The following GLRA2 variants were observed in gnomAD, a reference collection of about 807,000 sequenced individuals.
The protein encoded by GLRA2 is glycine receptor alpha 2.
GLRA2 carries 11 observed loss-of-function variants against 31.6 expected under a neutral mutation model. The ratio of observed to expected loss-of-function variants is 0.35; its 90% confidence interval spans 0.22 to 0.58. The LOEUF is 0.58. Ranked by LOEUF, GLRA2 falls within the 20% of genes least tolerant of loss-of-function variation. The pLI is 0.84. For missense variants in GLRA2, 212 were observed against 351.8 expected, an observed-to-expected ratio of 0.60 and a Z score of 3.18; for synonymous variants, 132 against 134.0, an observed-to-expected ratio of 0.99 and a Z score of 0.10.
intron 8 of GLRA2, among the ~76,000 whole-genome samples, chrX:14,715,325 T>C (rs2091770223): frequency 1.8e-5 from 2 of 112,388 alleles, no homozygotes; most frequent in Non-Finnish European, 3.8e-5. Context: ...ATAAGCCATA[T>C]GGTAAATAAG....
chrX:14,678,364 C>A (rs933297162), intron 7 of GLRA2, among the ~76,000 whole-genome samples: 6 of 111,797 alleles, frequency 5.4e-5, no homozygotes, highest in African/African-American at 2.0e-4. Context: ...AGACTAGGTG[C>A]CATGGGGAAG....
chrX:14,697,255 CTA>C (rs976572517), intron 8 of GLRA2, among the ~76,000 whole-genome samples: 1 of 111,843 alleles, frequency 8.9e-6, no homozygotes, highest in Non-Finnish European at 1.9e-5. Context: ...TGATTTAGGC[CTA>C]TTTTTCCAAT....
At chrX:14,639,615 C>G (rs895513679) in intron 7 of GLRA2, among the ~76,000 whole-genome samples, 1 of 111,695 alleles carries the variant, frequency 9.0e-6, no homozygotes, top group Non-Finnish European at 1.9e-5. Flanking sequence ...GTTCTGTGCC[C>G]TGTGCTTTCT....
At chrX:14,493,711 G>GTA in the GLRA2 span, among the ~76,000 whole-genome samples, 1 of 82,052 alleles carries the variant, frequency 1.2e-5, no homozygotes, top group African/African-American at 4.9e-5. Context: ...GTATACACAT[G>GTA]TATACATATA....
intron 4 of GLRA2, among the ~76,000 whole-genome samples, chrX:14,593,480 G>A (rs1460360555): frequency 8.9e-6 from 1 of 112,220 alleles, no homozygotes; most frequent in Admixed American, 9.5e-5. Context: ...TTTCATTTTA[G>A]TATGGATATT....
At chrX:14,642,275 GTTC>G (rs1307731565) in intron 7 of GLRA2, among the ~76,000 whole-genome samples, 1 of 111,933 alleles carries the variant, frequency 8.9e-6, no homozygotes, top group Non-Finnish European at 1.9e-5. Flanking sequence ...GTGCCTGGCA[GTTC>G]TTCTGCTAAT....
Position 14,529,903 on chromosome X carries a change from T to C in GLRA2, c.-155T>C. ...GCCCAGGACTGGCACTTTTTCTTTT[T>C]TCTCAGCAAACTGTACAAAACCAAA... On this transcript the variant is annotated 5_prime_UTR_variant, in exon 1 of 9. Transcript: ENST00000218075. The C allele has an allele frequency of 4.1e-6, 2 of 491,523 alleles. No homozygotes were observed. The highest frequency in any genetic ancestry group is 7.1e-6 in the Non-Finnish European group (2 of 280,349). The allele number at this position is 491,523 out of a possible 1,213,427, so 40.5% of individuals were successfully genotyped here. A position where few individuals can be genotyped will look rare whatever the true frequency, so the allele number is the denominator to read the frequency against.
At chrX:14,467,506 G>A in the GLRA2 span, among the ~76,000 whole-genome samples, 1 of 111,806 alleles carries the variant, frequency 8.9e-6, no homozygotes, top group African/African-American at 3.3e-5. Context: ...AAAATAAGTA[G>A]GAAAAAGAAA....
At chrX:14,568,202 G>T (rs752248957) in intron 2 of GLRA2, among the ~76,000 whole-genome samples, 27 of 111,929 alleles carry the variant, frequency 2.4e-4, no homozygotes, top group African/African-American at 8.4e-4. Flanking sequence ...AAAGCGGAAG[G>T]ACTCACAATT....
the GLRA2 span, among the ~76,000 whole-genome samples, chrX:14,502,815 A>G: frequency 1.9e-4 from 20 of 107,500 alleles, no homozygotes; most frequent in African/African-American, 6.1e-4. Context: ...ACTTAGCAAC[A>G]TTAGACAGCA....
chrX:14,503,990 T>C, the GLRA2 span, among the ~76,000 whole-genome samples: 4 of 112,054 alleles, frequency 3.6e-5, no homozygotes, highest in Middle Eastern at 9.2e-3. Context: ...CAAGAAAATA[T>C]GCTGTAAGCT....
At chrX:14,621,033 C>T (rs1349680071) in intron 7 of GLRA2, among the ~76,000 whole-genome samples, 3 of 111,484 alleles carry the variant, frequency 2.7e-5, no homozygotes, top group Non-Finnish European at 5.7e-5. Context: ...ACTATAAATT[C>T]CTTTTGGAGA....
intron 4 of GLRA2, among the ~76,000 whole-genome samples, chrX:14,581,678 A>G (rs1209824998): frequency 9.1e-6 from 1 of 110,238 alleles, no homozygotes; most frequent in Non-Finnish European, 1.9e-5. Context: ...TCAGTAAAGG[A>G]AGTACAGGCT....
intron 2 of GLRA2, among the ~76,000 whole-genome samples, chrX:14,569,106 TTA>T (rs963470565): frequency 1.8e-5 from 2 of 110,348 alleles, no homozygotes; most frequent in African/African-American, 3.3e-5. Context: ...AATACAAAAA[TTA>T]GCCAGGCATG....
At chrX:14,691,648 C>T (rs2091363217) in intron 8 of GLRA2, among the ~76,000 whole-genome samples, 1 of 111,459 alleles carries the variant, frequency 9.0e-6, no homozygotes, top group Non-Finnish European at 1.9e-5. Context: ...AGGAGGGGCA[C>T]CAGCCTCTGT....
chrX:14,586,827 C>G (rs2090086140), intron 4 of GLRA2, among the ~76,000 whole-genome samples: 1 of 112,201 alleles, frequency 8.9e-6, no homozygotes, highest in South Asian at 3.7e-4. Context: ...AGTATCTTTG[C>G]TGATATTGTC....
intron 4 of GLRA2, among the ~76,000 whole-genome samples, chrX:14,590,463 CA>C (rs2090134249): frequency 8.9e-6 from 1 of 112,131 alleles, no homozygotes; most frequent in Admixed American, 9.5e-5. Context: ...GCAAGAACTT[CA>C]AAAGATTCTA....
At chrX:14,452,051 G>A in the GLRA2 span, among the ~76,000 whole-genome samples, 2 of 112,078 alleles carry the variant, frequency 1.8e-5, no homozygotes, top group Non-Finnish European at 3.8e-5. Flanking sequence ...CTAAATGACC[G>A]TTGGGTACTA....
chrX:14,531,144 T>TTGATTAATTTGATTA (rs1266141925), intron 1 of GLRA2: 2 of 943,417 alleles, frequency 2.1e-6, no homozygotes, highest in South Asian at 4.0e-5. Flanking sequence ...AATCAAATAA[T>TTGATTAATTTGATTA]ACTTGATTAA....
Sources: allele counts gnomAD v4.1 joint callset (sites outside exome capture counted in the v4.1 genomes callset), GRCh38; gene constraint gnomAD v4.1.1; transcripts MANE v1.5; gene names NCBI Gene and HGNC (gene_info 2026-07-23, HGNC 2026-07-21).